The following HPSE2 variants were observed in gnomAD, a reference collection of about 807,000 sequenced individuals.
HPSE2 encodes the protein inactive heparanase-2.
In HPSE2, 38 loss-of-function variants were observed where a neutral mutation model predicts 60.5. The ratio of observed to expected loss-of-function variants is 0.63; its 90% CI spans 0.48 to 0.82. HPSE2 has a LOEUF of 0.82. HPSE2 is among the 40% of genes least tolerant of loss of function. The pLI, the probability that HPSE2 is intolerant of heterozygous loss-of-function variation, is 0.00. For synonymous variants in HPSE2, 295 were observed against 293.2 expected, an observed-to-expected ratio of 1.01 and a Z score of -0.06; for missense variants, 713 against 740.4, an observed-to-expected ratio of 0.96 and a Z score of 0.43.
intron 3 of HPSE2, among the ~76,000 whole-genome samples, chr10:98,765,758 A>C (rs1384438269): frequency 6.6e-6 from 1 of 151,988 alleles, no homozygotes. Context: ...CAGGAGAATC[A>C]CTTGAACCCT....
chr10:98,490,840 C>T (rs189937514), intron 9 of HPSE2, among the ~76,000 whole-genome samples: 81 of 152,318 alleles, frequency 5.3e-4, no homozygotes, highest in Admixed American at 2.2e-3. Context: ...GAATGTGATG[C>T]TTTAATCATT....
rs76927373 is a variant in HPSE2, at chr10:98,524,580, A to G, written c.1321-34384T>C. ...CCACTTTTGCTGAAAATGATAATAT[A>G]GAAGGACAGGGAAAGATAAGGCAAC... On this transcript the variant is annotated intron_variant, in intron 9 of 11. Coordinates refer to ENST00000370552, the MANE Select transcript of HPSE2 (RefSeq NM_021828.5). Among the ~76,000 whole-genome samples the G allele has an allele frequency of 1.1e-3, 168 of 152,348 alleles. 2 individuals are homozygous for G. The East Asian group carries it at 0.03, about 27-fold the overall frequency.
At chr10:98,530,644 G>C (rs1354752655) in intron 9 of HPSE2, among the ~76,000 whole-genome samples, 1 of 152,168 alleles carries the variant, frequency 6.6e-6, no homozygotes, top group Admixed American at 6.5e-5. Flanking sequence ...TAGAGAGGTG[G>C]CAAGTAGCTG....
the HPSE2 span, among the ~76,000 whole-genome samples, chr10:99,280,332 A>C: frequency 6.6e-6 from 1 of 152,210 alleles, no homozygotes; most frequent in South Asian, 2.1e-4. Context: ...AGGTCTGGCC[A>C]GACCATGAAG....
At chr10:99,242,114 G>T in the HPSE2 span, among the ~76,000 whole-genome samples, 1 of 152,302 alleles carries the variant, frequency 6.6e-6, no homozygotes, top group Non-Finnish European at 1.5e-5. Context: ...GAGAACCCTG[G>T]TTACAAAGTA....
chr10:98,942,094 G>C (rs1046799153), intron 3 of HPSE2, among the ~76,000 whole-genome samples: 1 of 142,390 alleles, frequency 7.0e-6, no homozygotes, highest in African/African-American at 2.9e-5. Context: ...ATGGATTAAA[G>C]ACTTAAACAT....
At chr10:98,994,878 A>G (rs1390598148) in intron 3 of HPSE2, among the ~76,000 whole-genome samples, 1 of 152,208 alleles carries the variant, frequency 6.6e-6, no homozygotes, top group Non-Finnish European at 1.5e-5. Flanking sequence ...GGCTATAGCC[A>G]CATCAGCCCA....
upstream of HPSE2, among the ~76,000 whole-genome samples, chr10:99,239,422 T>G (rs1564916619): frequency 8.1e-6 from 1 of 123,754 alleles, no homozygotes; most frequent in Non-Finnish European, 1.7e-5. Context: ...GTCAAGGTTT[T>G]TTTTTTTTTT....
In HPSE2 at chr10:99,111,057, G is replaced by A; in HGVS notation, c.610+33181C>T. 1.3e-5 allele frequency among the ~76,000 whole-genome samples: 2 copies of A among 152,032 alleles called. 1 individual carries two copies. Among genetic ancestry groups the A allele is most frequent in the Admixed American group, 1.3e-4 (2 of 15,252 alleles). On this transcript the variant is annotated intron_variant, in intron 3 of 11. Coordinates refer to ENST00000370552, the MANE Select transcript of HPSE2 (RefSeq NM_021828.5). Reference sequence around the variant, plus strand: ...AGATAGCCAGTTGTTCTGGTGCCATGTGTCAAAAAGACTATCCTTCCTCCA... The same window carrying A: ...AGATAGCCAGTTGTTCTGGTGCCATATGTCAAAAAGACTATCCTTCCTCCA...
At chr10:98,969,707 T>C (rs1201202074) in intron 3 of HPSE2, among the ~76,000 whole-genome samples, 3 of 152,208 alleles carry the variant, frequency 2.0e-5, no homozygotes, top group South Asian at 2.1e-4. Flanking sequence ...TGAGGGTTTG[T>C]ACTATAGTGA....
chr10:98,764,439 AATTAG>A (rs1291814965), intron 3 of HPSE2, among the ~76,000 whole-genome samples: 1 of 152,232 alleles, frequency 6.6e-6, no homozygotes, highest in Admixed American at 6.5e-5. Context: ...CCATATCAAT[AATTAG>A]ATTAAATGTA....
intron 4 of HPSE2, among the ~76,000 whole-genome samples, chr10:98,730,880 AT>A (rs1273536302): frequency 6.6e-6 from 1 of 152,196 alleles, no homozygotes; most frequent in Non-Finnish European, 1.5e-5. Flanking sequence ...TCTATTAAAT[AT>A]TTAAATAAGA....
At chr10:99,186,474 C>T (rs918283743) in intron 2 of HPSE2, among the ~76,000 whole-genome samples, 1 of 134,620 alleles carries the variant, frequency 7.4e-6, no homozygotes. Context: ...ACCCGAGAGG[C>T]GGAGGTTACA....
At chr10:98,533,906 T>G (rs545736438) in intron 9 of HPSE2, among the ~76,000 whole-genome samples, 6 of 152,354 alleles carry the variant, frequency 3.9e-5, no homozygotes, top group African/African-American at 1.2e-4. Context: ...TTTTTTCTAC[T>G]GATGTGAAAC....
chr10:99,297,805 C>T, the HPSE2 span, among the ~76,000 whole-genome samples: 1 of 152,026 alleles, frequency 6.6e-6, no homozygotes, highest in Non-Finnish European at 1.5e-5. Flanking sequence ...GCAATTTGGA[C>T]ACTCTGAATT....
At chr10:99,144,752 A>G (rs1229506257) in intron 2 of HPSE2, among the ~76,000 whole-genome samples, 1 of 152,148 alleles carries the variant, frequency 6.6e-6, no homozygotes, top group Non-Finnish European at 1.5e-5. Context: ...GTATTATAAT[A>G]CAATTTTGAA....
intron 3 of HPSE2, among the ~76,000 whole-genome samples, chr10:98,876,239 G>A (rs1377742677): frequency 2.6e-5 from 4 of 151,778 alleles, no homozygotes; most frequent in Non-Finnish European, 4.4e-5. Flanking sequence ...TAAAAAAAAA[G>A]TGGTCAATGT....
At chr10:98,676,323 G>A (rs1162491049) in intron 6 of HPSE2, among the ~76,000 whole-genome samples, 6 of 152,136 alleles carry the variant, frequency 3.9e-5, no homozygotes, top group Non-Finnish European at 5.9e-5. Flanking sequence ...ATACTGTATA[G>A]CCCTCCAGCC....
At chr10:99,303,443 C>A in the HPSE2 span, among the ~76,000 whole-genome samples, 1 of 152,140 alleles carries the variant, frequency 6.6e-6, no homozygotes, top group Non-Finnish European at 1.5e-5. Context: ...ATTGCCCCCT[C>A]CCCAAAGGGA....
Sources: allele counts gnomAD v4.1 joint callset (sites outside exome capture counted in the v4.1 genomes callset), GRCh38; gene constraint gnomAD v4.1.1; transcripts MANE v1.5; gene names NCBI Gene and HGNC (gene_info 2026-07-23, HGNC 2026-07-21).